FHAD1: variants seen among roughly 807,000 people sequenced by gnomAD.
FHAD1 encodes forkhead-associated domain-containing protein 1.
Under a neutral mutation model 191.3 loss-of-function variants are expected in FHAD1, and 146 were observed. The observed-to-expected ratio is 0.76, with a 90% CI of 0.67 to 0.88. The LOEUF is 0.88. FHAD1 is among the 40% of genes least tolerant of loss of function. The pLI is 0.00. For synonymous variants in FHAD1, 616 were observed against 672.3 expected, an observed-to-expected ratio of 0.92 and a Z score of 1.29; for missense variants, 1,635 against 1,785.8, an observed-to-expected ratio of 0.92 and a Z score of 1.52.
Position 15,272,410 on chromosome 1 carries a change from G to C in FHAD1, c.181G>C (p.Gly61Arg). 6.4e-7 allele frequency: 1 copy of C among 1,551,694 alleles called. No homozygotes were observed. The highest frequency in any genetic ancestry group is 8.7e-7 in the Non-Finnish European group (1 of 1,146,996). ...FVLQDFNSRN[G>R]TFVNECHIQN... The stretch of plus-strand genomic sequence containing the variant: ...TCTCCAGGACTTCAATTCCCGCAAC[G>C]GCACGTTTGTCAACGAGTGCCACAT... Residue 61 changes from glycine (G) to arginine (R), a missense_variant, in exon 3 of 34, where the codon GGC becomes CGC. Gly to Arg is a moderately radical substitution (Grantham distance 125, BLOSUM62 -2). Coordinates refer to ENST00000688493, the MANE Select transcript of FHAD1 (RefSeq NM_001391957.1).
chr1:15,367,400 G>A, intron 24 of FHAD1, 63 bp from the exon 25 acceptor site: 3 of 1,515,722 alleles, frequency 2.0e-6, no homozygotes, highest in Non-Finnish European at 2.7e-6. Flanking sequence ...AGAGGCTGAG[G>A]CAGGAGAATC....
upstream of FHAD1, among the ~76,000 whole-genome samples, chr1:15,245,559 A>G (rs1484562048): frequency 1.3e-5 from 2 of 152,148 alleles, no homozygotes; most frequent in African/African-American, 4.8e-5. Context: ...TGAGGCAGAA[A>G]CGTGTGGGAA....
chr1:15,304,358 A>G (rs1396716708), intron 6 of FHAD1, among the ~76,000 whole-genome samples: 1 of 152,206 alleles, frequency 6.6e-6, no homozygotes, highest in Non-Finnish European at 1.5e-5. Context: ...CAATATGGAT[A>G]TTTATTTTGG....
chr1:15,356,077 A>T (rs1692690292), intron 20 of FHAD1, among the ~76,000 whole-genome samples: 1 of 152,210 alleles, frequency 6.6e-6, no homozygotes, highest in South Asian at 2.1e-4. Context: ...CGATATCGAT[A>T]ACTACCGATT....
intron 1 of FHAD1, among the ~76,000 whole-genome samples, chr1:15,239,865 T>C (rs1364203990): frequency 1.3e-5 from 2 of 150,352 alleles, no homozygotes; most frequent in Non-Finnish European, 3.0e-5. Flanking sequence ...TTTGGAAAAA[T>C]GTTTGTCAGA....
In FHAD1 at chr1:15,274,837, C is replaced by G. The variant is rs550146508; in HGVS notation, c.300+2308C>G. 4.6e-5 allele frequency among the ~76,000 whole-genome samples: 7 copies of G among 152,308 alleles called. No individual in the cohort carries two copies. The East Asian group carries it at 1.2e-3, about 25-fold the overall frequency. Reference sequence around the variant, plus strand: ...ACTCAGAGAGGTTAAGTAATTTGCCCAGGACCACACAGCTAGTCACTGTGA... The same window carrying G: ...ACTCAGAGAGGTTAAGTAATTTGCCGAGGACCACACAGCTAGTCACTGTGA... On this transcript the variant is annotated intron_variant, in intron 3 of 33. Coordinates refer to ENST00000688493, the MANE Select transcript of FHAD1 (RefSeq NM_001391957.1).
intron 10 of FHAD1, among the ~76,000 whole-genome samples, chr1:15,323,099 C>G (rs957626838): frequency 6.6e-6 from 1 of 152,162 alleles, no homozygotes; most frequent in Non-Finnish European, 1.5e-5. Flanking sequence ...CAGTTACCTC[C>G]CCCTGGGTCC....
chr1:15,304,371 A>C (rs1312273902), intron 6 of FHAD1, among the ~76,000 whole-genome samples: 1 of 152,230 alleles, frequency 6.6e-6, no homozygotes, highest in Non-Finnish European at 1.5e-5. Context: ...TATTTTGGTC[A>C]TGAAATTGAT....
In FHAD1 at chr1:15,345,535, G is replaced by A; in HGVS notation, c.2346+12G>A. On this transcript the variant is annotated intron_variant, in intron 18 of 33. Coordinates refer to ENST00000688493, the MANE Select transcript of FHAD1 (RefSeq NM_001391957.1). ...CCCGCCAGAAGGAGGTACGCTCGGGGAGATAGAGTCGGCTGAGCCCCAGTC... is the reference window on the plus strand; with the variant it reads ...CCCGCCAGAAGGAGGTACGCTCGGGAAGATAGAGTCGGCTGAGCCCCAGTC... The A allele has an allele frequency of 6.5e-7, 1 of 1,549,086 alleles. No homozygotes were observed. Among genetic ancestry groups the A allele is most frequent in the Non-Finnish European group, 8.7e-7 (1 of 1,144,500 alleles).
At chr1:15,362,842 G>A (rs555276542) in intron 23 of FHAD1, 116 bp downstream of exon 23, 14 of 758,226 alleles carry the variant, frequency 1.8e-5, no homozygotes, top group African/African-American at 6.9e-5. Flanking sequence ...ACAAGGAGCC[G>A]GGCCTGCTGC....
chr1:15,279,568 A>AAG (rs1208229084), intron 3 of FHAD1, among the ~76,000 whole-genome samples: 1 of 151,612 alleles, frequency 6.6e-6, no homozygotes, highest in Non-Finnish European at 1.5e-5. Flanking sequence ...AAAAAAAAAA[A>AAG]AAAAAAGGAA....
chr1:15,381,243 A>G lies in FHAD1; in HGVS notation c.3814A>G (p.Ser1272Gly). 6.4e-7 allele frequency: 1 copy of G among 1,551,546 alleles called. No individual in the cohort carries two copies. Among genetic ancestry groups the G allele is most frequent in the Non-Finnish European group, 8.7e-7 (1 of 1,146,906 alleles). ...ELSEKLYLDMSKTLGSLMNIK... is the reference protein window; with the variant it reads ...ELSEKLYLDMGKTLGSLMNIK... ...GTTTTCCTTGTAGTACCTGGATATG[A>G]GCAAAACCCTCGGAAGTCTCATGAA... The change falls in exon 30 of 34, where the codon AGC (serine) becomes GGC (glycine). Residue 1272 changes from serine (S) to glycine (G), a missense_variant. Transcript: ENST00000688493. The surrounding 1 kb of genome is among the most constrained non-coding windows in gnomAD (Gnocchi z 4.6).
chr1:15,382,952 G>A (rs567958332), intron 31 of FHAD1, among the ~76,000 whole-genome samples: 1 of 152,318 alleles, frequency 6.6e-6, no homozygotes, highest in East Asian at 1.9e-4. Context: ...TTGAGAAACC[G>A]AGATTCCAGT....
intron 18 of FHAD1, 123 bp downstream of exon 18, chr1:15,345,646 T>A: frequency 1.3e-6 from 1 of 785,290 alleles, no homozygotes; most frequent in Non-Finnish European, 2.1e-6. Flanking sequence ...AGTTTGCGTT[T>A]GGGTGGGCTC....
At chr1:15,396,579 C>T (rs1706047416) in intron 33 of FHAD1, among the ~76,000 whole-genome samples, 2 of 152,062 alleles carry the variant, frequency 1.3e-5, no homozygotes, top group African/African-American at 4.8e-5. Flanking sequence ...GAGGCCAAGG[C>T]AGGCAGATCA....
chr1:15,245,440 C>A (rs1163353781), upstream of FHAD1, among the ~76,000 whole-genome samples: 1 of 151,842 alleles, frequency 6.6e-6, no homozygotes, highest in African/African-American at 2.4e-5. Flanking sequence ...TTCAAAAAAC[C>A]AATTTTAGAA....
rs1368814454 is a variant in FHAD1 at position 15,325,643 on chromosome 1, C to G, written c.1473+1084C>G. The G allele has an allele frequency of 6.5e-6, 1 of 152,744 alleles. No individual in the cohort carries two copies. The highest frequency in any genetic ancestry group is 6.5e-5 in the Admixed American group (1 of 15,292). 9.5% of individuals were successfully genotyped at this position (152,744 alleles called of 1,614,324 possible). A position where few individuals can be genotyped will look rare whatever the true frequency, so the allele number is the denominator to read the frequency against. On this transcript the variant is annotated intron_variant, in intron 11 of 33. Coordinates refer to ENST00000688493, the MANE Select transcript of FHAD1 (RefSeq NM_001391957.1). The surrounding 1 kb of genome is among the most constrained non-coding windows in gnomAD (Gnocchi z 4.6). ...CCTCTTCCTGTGCACATTGGCTACC[C>G]CCAATCTTCCCCCTAACACATACCT...
intron 3 of FHAD1, among the ~76,000 whole-genome samples, chr1:15,278,780 T>TGG (rs1659438538): frequency 6.6e-6 from 1 of 152,084 alleles, no homozygotes; most frequent in African/African-American, 2.4e-5. Flanking sequence ...AAACAGAACT[T>TGG]GGAGATATGT....
At chr1:15,342,832 A>T (rs546609830) in intron 16 of FHAD1, among the ~76,000 whole-genome samples, 115 of 148,064 alleles carry the variant, frequency 7.8e-4, no homozygotes, top group African/African-American at 2.8e-3. Context: ...GCTAATTATT[A>T]TTTTTTTTTG....
Sources: allele counts gnomAD v4.1 joint callset (sites outside exome capture counted in the v4.1 genomes callset), GRCh38; gene constraint gnomAD v4.1.1; non-coding constraint Gnocchi (gnomAD v3.1); transcripts MANE v1.5; gene names NCBI Gene and HGNC (gene_info 2026-07-23, HGNC 2026-07-21).